MARCHF11: variants seen among roughly 807,000 people sequenced by gnomAD.
MARCHF11 encodes the protein E3 ubiquitin-protein ligase MARCHF11.
Under a neutral mutation model 37.3 loss-of-function variants are expected in MARCHF11, and 29 were observed. The ratio of observed to expected loss-of-function variants is 0.78; its 90% CI spans 0.58 to 1.06. The LOEUF (loss-of-function observed/expected upper bound fraction) is 1.06, where lower values mean the gene tolerates loss of function less well. Among genes scored for constraint, MARCHF11 ranks in the 50% least tolerant of loss-of-function variants. The pLI, the probability that MARCHF11 is intolerant of heterozygous loss-of-function variation, is 0.00. For missense variants in MARCHF11, 482 were observed against 533.4 expected, an observed-to-expected ratio of 0.90 and a Z score of 0.95; for synonymous variants, 233 against 228.0, an observed-to-expected ratio of 1.02 and a Z score of -0.20.
chr5:16,121,741 TA>T (rs1737312311), intron 2 of MARCHF11, among the ~76,000 whole-genome samples: 1 of 152,176 alleles, frequency 6.6e-6, no homozygotes, highest in Non-Finnish European at 1.5e-5. Flanking sequence ...TCTCCATTCA[TA>T]GATCCAAAAA....
At chr5:16,120,628 T>C (rs12658225) in intron 2 of MARCHF11, among the ~76,000 whole-genome samples, 24,740 of 152,224 alleles carry the variant, frequency 0.16, 2,208 homozygotes, top group East Asian at 0.3. Flanking sequence ...TTCCCTGGGG[T>C]AGACTGCAAA....
intron 2 of MARCHF11, among the ~76,000 whole-genome samples, chr5:16,104,030 G>C (rs1018162276): frequency 6.6e-6 from 1 of 152,184 alleles, no homozygotes; most frequent in Non-Finnish European, 1.5e-5. Context: ...ATAGTTGTTT[G>C]AAACCACTAA....
chr5:16,112,261 CA>C (rs1217214530), intron 2 of MARCHF11, among the ~76,000 whole-genome samples: 36 of 152,300 alleles, frequency 2.4e-4, no homozygotes, highest in African/African-American at 8.2e-4. Flanking sequence ...GAAAAAGCCG[CA>C]AACACTCAAC....
chr5:16,105,087 T>A (rs116278525), intron 2 of MARCHF11, among the ~76,000 whole-genome samples: 1 of 152,358 alleles, frequency 6.6e-6, no homozygotes, highest in African/African-American at 2.4e-5. Context: ...CTAGACGAAG[T>A]CTGATGGAAG....
chr5:16,102,195 G>GA (rs1438229598), intron 2 of MARCHF11, among the ~76,000 whole-genome samples: 5 of 152,194 alleles, frequency 3.3e-5, no homozygotes, highest in Non-Finnish European at 5.9e-5. Context: ...GTCAGTAACA[G>GA]AAAAAACACA....
intron 2 of MARCHF11, among the ~76,000 whole-genome samples, chr5:16,158,122 C>T (rs1738007530): frequency 1.3e-5 from 2 of 151,904 alleles, no homozygotes; most frequent in South Asian, 2.1e-4. Flanking sequence ...AAAACCAGAA[C>T]GACACATCGC....
chr5:16,070,639 T>C (rs150998102), intron 3 of MARCHF11, among the ~76,000 whole-genome samples: 54 of 152,302 alleles, frequency 3.5e-4, no homozygotes, highest in African/African-American at 1.3e-3. Context: ...AATATATTCC[T>C]GGTAGCTCTT....
chr5:16,178,922 G>A (rs1738411314), intron 1 of MARCHF11, 117 bp downstream of exon 1: 4 of 1,245,870 alleles, frequency 3.2e-6, no homozygotes, highest in Non-Finnish European at 3.1e-6. Flanking sequence ...GGCAGAACCA[G>A]ACGAGCCTCA....
In MARCHF11 at chr5:16,084,600, G is replaced by A. The variant is rs532014235; in HGVS notation, c.886+6289C>T. Among the ~76,000 whole-genome samples the A allele has an allele frequency of 4.6e-5, 7 of 151,560 alleles. No individual in the cohort carries two copies. In the South Asian group the frequency reaches 8.3e-4, roughly 18 times the overall value. ...GGATGTTGCAGTGGGCCAAGACCACGCCACTGCAATCCAGCCAGGGTGACA... is the reference window on the plus strand; with the variant it reads ...GGATGTTGCAGTGGGCCAAGACCACACCACTGCAATCCAGCCAGGGTGACA... On this transcript the variant is annotated intron_variant, in intron 3 of 3. Transcript: ENST00000332432.
At chr5:16,172,664 CAGTTTTCAA>C (rs1489745502) in intron 2 of MARCHF11, among the ~76,000 whole-genome samples, 2 of 152,210 alleles carry the variant, frequency 1.3e-5, no homozygotes, top group Non-Finnish European at 2.9e-5. Flanking sequence ...AAACCAAAGT[CAGTTTTCAA>C]TGGTAATTTT....
chr5:16,081,227 C>T (rs1736602490), intron 3 of MARCHF11, among the ~76,000 whole-genome samples: 1 of 152,180 alleles, frequency 6.6e-6, no homozygotes, highest in Non-Finnish European at 1.5e-5. Flanking sequence ...TCCTCTTCCT[C>T]AGGTGGAAAG....
chr5:16,067,612 C>A lies in MARCHF11; in HGVS notation c.1068G>T (p.Leu356Phe), dbSNP rs756555295. 1.2e-6 allele frequency: 2 copies of A among 1,613,774 alleles called. No homozygotes were observed. Among genetic ancestry groups the A allele is most frequent in the African/African-American group, 1.3e-5 (1 of 74,886 alleles). ...LPLTALRNRN[L>F]VHPTQLTSPR... ...GTGAGGTTAACTGAGTTGGGTGGAC[C>A]AAGTTTCTGTTCCGCAGAGCTGTCA... The change falls in exon 4 of 4, where the codon TTG becomes TTT. Residue 356 changes from leucine (L) to phenylalanine (F), a missense_variant. Leu to Phe is a conservative substitution (Grantham distance 22). Transcript: ENST00000332432.
In MARCHF11 at chr5:16,075,557, G is replaced by A. The variant is rs139631235; in HGVS notation, c.887-7764C>T. 1.4e-3 allele frequency among the ~76,000 whole-genome samples: 210 copies of A among 152,118 alleles called. 1 individual carries two copies. The highest frequency in any genetic ancestry group is 6.8e-3 in the Middle Eastern group (2 of 294). On this transcript the variant is annotated intron_variant, in intron 3 of 3. Transcript: ENST00000332432. ...AACCTGTTCCTATCTCAGTACCCAG[G>A]TCAAAACTCAGTCTTTGCTGAAAGA...
At chr5:16,111,504 A>C (rs112198758) in intron 2 of MARCHF11, among the ~76,000 whole-genome samples, 34,825 of 152,062 alleles carry the variant, frequency 0.23, 4,168 homozygotes, top group South Asian at 0.33. Flanking sequence ...GATTTAGGGT[A>C]TCTGGAGGAA....
chr5:16,139,175 C>A lies in MARCHF11; in HGVS notation c.693+38551G>T, dbSNP rs11949201. On this transcript the variant is annotated intron_variant, in intron 2 of 3. Coordinates refer to ENST00000332432, the MANE Select transcript of MARCHF11 (RefSeq NM_001102562.3). ...GCCTTGAATTGTAGCTTCCATAATACCCCCATGTTGTGGGAGGGACCTGGT... is the reference window on the plus strand; with the variant it reads ...GCCTTGAATTGTAGCTTCCATAATAACCCCATGTTGTGGGAGGGACCTGGT... Among the ~76,000 whole-genome samples, 611 of 152,214 alleles carry A rather than the reference C, an allele frequency of 4.0e-3. 5 individuals carry two copies. Among genetic ancestry groups the A allele is most frequent in the African/African-American group, 0.014 (563 of 41,530 alleles).
At chr5:16,142,953 T>G (rs985889487) in intron 2 of MARCHF11, among the ~76,000 whole-genome samples, 1 of 131,842 alleles carries the variant, frequency 7.6e-6, no homozygotes, top group Non-Finnish European at 1.6e-5. Context: ...TTGGTCAGGC[T>G]GGTCTTGAAC....
intron 3 of MARCHF11, among the ~76,000 whole-genome samples, chr5:16,080,621 C>G (rs1275529898): frequency 6.6e-6 from 1 of 152,170 alleles, no homozygotes; most frequent in Non-Finnish European, 1.5e-5. Context: ...GATGGCCCAT[C>G]TCCCAGTCAG....
intron 1 of MARCHF11, among the ~76,000 whole-genome samples, chr5:16,178,738 C>T (rs1429600077): frequency 6.6e-6 from 1 of 152,200 alleles, no homozygotes; most frequent in African/African-American, 2.4e-5. Context: ...TCGAATAATT[C>T]ACAAAAGCCG....
chr5:16,073,589 G>C lies in MARCHF11; in HGVS notation c.887-5796C>G, dbSNP rs1398616524. The stretch of plus-strand genomic sequence containing the variant: ...GAACTATATATAAATGTAATGTAAA[G>C]TAATATATAATATATAATAATATAT... On this transcript the variant is annotated intron_variant, in intron 3 of 3. Transcript: ENST00000332432. Among the ~76,000 whole-genome samples the C allele has an allele frequency of 2.7e-5, 4 of 149,190 alleles. No individual in the cohort carries two copies. The Admixed American group carries it at 2.7e-4, about 10-fold the overall frequency.
Sources: allele counts gnomAD v4.1 joint callset (sites outside exome capture counted in the v4.1 genomes callset), GRCh38; gene constraint gnomAD v4.1.1; transcripts MANE v1.5; gene names NCBI Gene and HGNC (gene_info 2026-07-23, HGNC 2026-07-21).